The following DOCK2 variants were observed in gnomAD, a reference collection of about 807,000 sequenced individuals.
DOCK2 encodes the protein dedicator of cytokinesis 2.
A neutral mutation model predicts 248.9 loss-of-function variants in DOCK2; 87 were observed. The observed-to-expected ratio is 0.35, with a 90% CI of 0.29 to 0.42. The LOEUF (loss-of-function observed/expected upper bound fraction) is 0.42. Among genes scored for constraint, DOCK2 ranks in the 10% least tolerant of loss-of-function variants. The probability of loss-of-function intolerance (pLI) is 1.00; values close to 1 mark genes in which losing one functional copy is unlikely to be tolerated. For synonymous variants in DOCK2, 805 were observed against 821.6 expected, an observed-to-expected ratio of 0.98 and a Z score of 0.35; for missense variants, 1,747 against 2,300.2, an observed-to-expected ratio of 0.76 and a Z score of 4.92.
chr5:169,873,724 C>G (rs1011089163), intron 27 of DOCK2, among the ~76,000 whole-genome samples: 1 of 152,210 alleles, frequency 6.6e-6, no homozygotes, highest in Non-Finnish European at 1.5e-5. Context: ...ATGCCTTTTT[C>G]TCTGGTTAGG....
intron 1 of DOCK2, among the ~76,000 whole-genome samples, chr5:169,650,765 T>G (rs1757759769): frequency 6.6e-6 from 1 of 152,154 alleles, no homozygotes; most frequent in Non-Finnish European, 1.5e-5. Context: ...TTGTTCTGGG[T>G]GGGCTTGTCA....
At chr5:169,680,979 T>C (rs1044196774) in intron 6 of DOCK2, among the ~76,000 whole-genome samples, 4 of 152,182 alleles carry the variant, frequency 2.6e-5, no homozygotes, top group Non-Finnish European at 5.9e-5. Flanking sequence ...TGTATGCATC[T>C]TTCCATGCTT....
chr5:169,869,615 G>T (rs554440310), intron 27 of DOCK2, among the ~76,000 whole-genome samples: 1 of 152,180 alleles, frequency 6.6e-6, no homozygotes, highest in South Asian at 2.1e-4. Context: ...TTGAGGCTGG[G>T]TAGAAAAGAG....
chr5:169,834,589 CAT>C, intron 26 of DOCK2, among the ~76,000 whole-genome samples: 1 of 92,494 alleles, frequency 1.1e-5, no homozygotes, highest in East Asian at 3.8e-4. Context: ...GCCCTACTCA[CAT>C]GCTCAGTCAG....
intron 27 of DOCK2, among the ~76,000 whole-genome samples, chr5:169,878,050 A>G (rs544779964): frequency 1.3e-5 from 2 of 152,364 alleles, no homozygotes; most frequent in South Asian, 4.1e-4. Flanking sequence ...TGTCTAGAAA[A>G]GAAATGCGTG....
At chr5:170,030,277 C>T (rs557580571) in intron 34 of DOCK2, among the ~76,000 whole-genome samples, 1 of 152,216 alleles carries the variant, frequency 6.6e-6, no homozygotes, top group East Asian at 1.9e-4. Flanking sequence ...TTATTTTTCT[C>T]CTGAAACAGA....
chr5:170,038,839 C>T (rs1450903541), intron 36 of DOCK2, among the ~76,000 whole-genome samples: 1 of 152,172 alleles, frequency 6.6e-6, no homozygotes, highest in East Asian at 1.9e-4. Context: ...GAAGCTCTCC[C>T]CTGGGCTGCT....
chr5:169,716,127 CTT>C (rs1020959643), intron 19 of DOCK2, 84 bp from the exon 20 acceptor site: 3 of 1,206,830 alleles, frequency 2.5e-6, no homozygotes, highest in Non-Finnish European at 3.6e-6. Context: ...CTCTCATTCT[CTT>C]ATAGATAGTT....
chr5:169,776,290 G>T (rs1389008393), intron 25 of DOCK2, among the ~76,000 whole-genome samples: 1 of 151,662 alleles, frequency 6.6e-6, no homozygotes, highest in African/African-American at 2.4e-5. Context: ...AGCCTCCTAA[G>T]TAGCTAGGAA....
chr5:169,927,988 G>A (rs766907494), intron 27 of DOCK2, among the ~76,000 whole-genome samples: 2 of 152,154 alleles, frequency 1.3e-5, no homozygotes, highest in South Asian at 2.1e-4. Flanking sequence ...GTTTCAGTAG[G>A]TGTGGGAATT....
intron 26 of DOCK2, among the ~76,000 whole-genome samples, chr5:169,810,558 T>A (rs572879288): frequency 1.3e-5 from 2 of 152,242 alleles, no homozygotes; most frequent in South Asian, 4.1e-4. Flanking sequence ...TACAAAAAGG[T>A]GGGTTGGTTA....
At chr5:170,068,605 T>C (rs1248369064) in intron 45 of DOCK2, among the ~76,000 whole-genome samples, 6 of 152,222 alleles carry the variant, frequency 3.9e-5, no homozygotes, top group Non-Finnish European at 7.3e-5. Flanking sequence ...TGTCTGTTTA[T>C]ACATGAGCAC....
chr5:169,683,110 T>G (rs1759757630), intron 7 of DOCK2, among the ~76,000 whole-genome samples: 2 of 152,264 alleles, frequency 1.3e-5, no homozygotes, highest in Non-Finnish European at 2.9e-5. Flanking sequence ...CAAATCCTTG[T>G]GCGGACATGT....
At chr5:169,974,222 A>G (rs1034344727) in intron 27 of DOCK2, among the ~76,000 whole-genome samples, 1 of 152,208 alleles carries the variant, frequency 6.6e-6, no homozygotes, top group Admixed American at 6.5e-5. Context: ...ACCAACATCT[A>G]CTGAAAGTTT....
chr5:169,772,094 A>G (rs1371306959), intron 25 of DOCK2, among the ~76,000 whole-genome samples: 2 of 152,126 alleles, frequency 1.3e-5, no homozygotes, highest in African/African-American at 4.8e-5. Context: ...CCTAGATTCA[A>G]TCTCCGGTGC....
chr5:169,825,994 G>A (rs140822152), intron 26 of DOCK2, among the ~76,000 whole-genome samples: 200 of 151,956 alleles, frequency 1.3e-3, no homozygotes, highest in African/African-American at 4.5e-3. Flanking sequence ...AAGAGATGAC[G>A]TAGCACATCT....
chr5:169,843,197 T>C (rs1013810342), intron 27 of DOCK2, among the ~76,000 whole-genome samples: 1 of 152,238 alleles, frequency 6.6e-6, no homozygotes, highest in South Asian at 2.1e-4. Flanking sequence ...TTCCTTCTTG[T>C]ACCTTTCAAC....
intron 27 of DOCK2, among the ~76,000 whole-genome samples, chr5:169,896,786 G>C (rs1057392160): frequency 3.3e-5 from 5 of 152,210 alleles, no homozygotes; most frequent in Non-Finnish European, 5.9e-5. Flanking sequence ...CTCACAGTGG[G>C]TGTGGGAGTC....
At chr5:169,923,826 T>C (rs1561827442) in intron 27 of DOCK2, among the ~76,000 whole-genome samples, 1 of 152,226 alleles carries the variant, frequency 6.6e-6, no homozygotes, top group East Asian at 1.9e-4. Flanking sequence ...ACTTGTGTTG[T>C]AGATAGTTTG....
Sources: allele counts gnomAD v4.1 joint callset (sites outside exome capture counted in the v4.1 genomes callset), GRCh38; gene constraint gnomAD v4.1.1; transcripts MANE v1.5; gene names NCBI Gene and HGNC (gene_info 2026-07-23, HGNC 2026-07-21).